Variants in TRAK1 observed in about 807,000 individuals in gnomAD.
TRAK1 encodes the protein trafficking kinesin-binding protein 1.
In TRAK1, 33 loss-of-function variants were observed where a neutral mutation model predicts 92.1. That is an observed-to-expected ratio of 0.36 (90% CI 0.27 to 0.48). The LOEUF is 0.48. TRAK1 is among the 20% of genes least tolerant of loss of function. The pLI is 0.99. For missense variants in TRAK1, 1,123 were observed against 1,257.9 expected, an observed-to-expected ratio of 0.89 and a Z score of 1.62; for synonymous variants, 521 against 517.3, an observed-to-expected ratio of 1.01 and a Z score of -0.10.
chr3:42,115,352 T>A (rs17220321), intron 1 of TRAK1, among the ~76,000 whole-genome samples: 2,397 of 152,288 alleles, frequency 0.016, 22 homozygotes, highest in Non-Finnish European at 0.026. Flanking sequence ...CCTTTCTTGT[T>A]GAGCAACAAA....
intron 14 of TRAK1, chr3:42,217,703 T>C (rs1709874471): frequency 2.0e-6 from 2 of 985,316 alleles, no homozygotes; most frequent in African/African-American, 3.5e-5. Flanking sequence ...CTTATTTCTA[T>C]TTACTGCTTT....
chr3:42,148,688 T>C (rs1699611935), intron 2 of TRAK1, among the ~76,000 whole-genome samples: 1 of 152,216 alleles, frequency 6.6e-6, no homozygotes, highest in Non-Finnish European at 1.5e-5. Flanking sequence ...TCTATTTGTA[T>C]GTGACAGGCT....
intron 1 of TRAK1, among the ~76,000 whole-genome samples, chr3:42,016,027 AC>A (rs1211276139): frequency 1.3e-5 from 2 of 151,880 alleles, no homozygotes; most frequent in Non-Finnish European, 2.9e-5. Context: ...ACAGAGCAAG[AC>A]CCCATCTCAA....
At chr3:42,144,209 T>G (rs1428122057) in intron 2 of TRAK1, among the ~76,000 whole-genome samples, 2 of 152,152 alleles carry the variant, frequency 1.3e-5, no homozygotes, top group African/African-American at 4.8e-5. Context: ...ATTTCCCTAA[T>G]TGTAGCTTAG....
chr3:42,099,959 A>G (rs1378288473), intron 1 of TRAK1, among the ~76,000 whole-genome samples: 1 of 152,050 alleles, frequency 6.6e-6, no homozygotes, highest in Non-Finnish European at 1.5e-5. Context: ...GGGCCTGTCC[A>G]GGTGAGGATG....
chr3:42,023,013 C>CTGGACG (rs1701777968), intron 1 of TRAK1, among the ~76,000 whole-genome samples: 1 of 151,912 alleles, frequency 6.6e-6, no homozygotes, highest in Non-Finnish European at 1.5e-5. Flanking sequence ...AAAAAATTAG[C>CTGGACG]TGGACGTGGT....
intron 1 of TRAK1, among the ~76,000 whole-genome samples, chr3:42,117,195 C>T (rs1055527149): frequency 7.9e-5 from 12 of 152,224 alleles, no homozygotes; most frequent in African/African-American, 2.6e-4. Context: ...AGCTTTTCTG[C>T]AGCCACTTAC....
At chr3:42,034,642 T>G (rs1702261279) in intron 1 of TRAK1, among the ~76,000 whole-genome samples, 2 of 152,210 alleles carry the variant, frequency 1.3e-5, no homozygotes. Flanking sequence ...ATTACTGTTC[T>G]AGACTTTCCG....
At chr3:42,212,918 T>C (rs1473395880) in intron 14 of TRAK1, among the ~76,000 whole-genome samples, 1 of 152,234 alleles carries the variant, frequency 6.6e-6, no homozygotes, top group Non-Finnish European at 1.5e-5. Flanking sequence ...ACAGTCAGTT[T>C]ATTTTAATGC....
At chr3:42,030,372 A>AAAACAT (rs540353037) in intron 1 of TRAK1, among the ~76,000 whole-genome samples, 1 of 132,320 alleles carries the variant, frequency 7.6e-6, no homozygotes, top group Non-Finnish European at 1.6e-5. Flanking sequence ...TAAAAAAAAA[A>AAAACAT]ATATATATAT....
rs1403633714 is a variant in TRAK1, at chr3:42,225,662, A to AATAAATAT, written c.*1926_*1927insTAAATATA. 1 of 152,230 alleles carries AATAAATAT rather than the reference A, an allele frequency of 6.6e-6. No individual in the cohort carries two copies. Among genetic ancestry groups the AATAAATAT allele is most frequent in the Non-Finnish European group, 1.5e-5 (1 of 68,038 alleles). The allele number at this position is 152,230 out of a possible 1,614,324, so 9.4% of individuals were successfully genotyped here. On this transcript the variant is annotated 3_prime_UTR_variant, in exon 16 of 16. Coordinates refer to ENST00000327628, the MANE Select transcript of TRAK1 (RefSeq NM_001042646.3). ...CAATACTTAGTATAGTAAATAAATAAACGGTCAACATTGTGCAACCACTAC... is the reference window on the plus strand; with the variant it reads ...CAATACTTAGTATAGTAAATAAATAAATAAATATACGGTCAACATTGTGCAACCACTAC...
chr3:42,170,736 A>G (rs1008333569), intron 2 of TRAK1, among the ~76,000 whole-genome samples: 1 of 152,134 alleles, frequency 6.6e-6, no homozygotes, highest in East Asian at 1.9e-4. Context: ...AAACTTTGGG[A>G]AACACTGTTT....
intron 2 of TRAK1, among the ~76,000 whole-genome samples, chr3:42,171,606 C>G (rs1005364508): frequency 6.6e-6 from 1 of 152,142 alleles, no homozygotes; most frequent in African/African-American, 2.4e-5. Context: ...ACTCCCTGAG[C>G]TCTGCTCCTT....
At chr3:42,217,097 C>CTTTTTTTTT (rs550975120) in intron 14 of TRAK1, 12 of 146,354 alleles carry the variant, frequency 8.2e-5, no homozygotes, top group Admixed American at 3.1e-4. Context: ...CTCTCTCTCT[C>CTTTTTTTTT]TTTTTTTTTT....
At chr3:42,193,587 G>C (rs1379370619) in intron 8 of TRAK1, among the ~76,000 whole-genome samples, 1 of 152,100 alleles carries the variant, frequency 6.6e-6, no homozygotes, top group Non-Finnish European at 1.5e-5. Flanking sequence ...ATTAGTGTGG[G>C]GTAAAATGCT....
intron 1 of TRAK1, among the ~76,000 whole-genome samples, chr3:42,059,267 A>G (rs1393134407): frequency 6.6e-6 from 1 of 151,858 alleles, no homozygotes; most frequent in Non-Finnish European, 1.5e-5. Context: ...CTAATTTTAA[A>G]AAATTTTTAT....
chr3:42,124,629 G>A (rs1710324365), intron 1 of TRAK1, among the ~76,000 whole-genome samples: 1 of 152,208 alleles, frequency 6.6e-6, no homozygotes, highest in African/African-American at 2.4e-5. Context: ...GGTGGATCAA[G>A]GGTAGCTGTG....
At chr3:42,133,351 AC>A (rs1697466805) in intron 2 of TRAK1, among the ~76,000 whole-genome samples, 1 of 151,640 alleles carries the variant, frequency 6.6e-6, no homozygotes, top group South Asian at 2.1e-4. Context: ...CTCCCTCGCT[AC>A]CCCTCTTCCT....
At chr3:42,077,957 C>T (rs1704233173) in intron 1 of TRAK1, among the ~76,000 whole-genome samples, 1 of 152,188 alleles carries the variant, frequency 6.6e-6, no homozygotes, top group South Asian at 2.1e-4. Context: ...TGGCAGCCAC[C>T]CACTTTCGTT....
Sources: gnomAD v4.1 joint callset for allele counts (sites outside exome capture counted in the v4.1 genomes callset) on GRCh38, gnomAD v4.1.1 for gene constraint, MANE v1.5 for transcripts, NCBI Gene and HGNC (gene_info 2026-07-23, HGNC 2026-07-21) for gene names.